EXOC6B: variants seen among roughly 807,000 people sequenced by gnomAD.
EXOC6B encodes the protein SEC15 homolog B.
Under a neutral mutation model 113.5 loss-of-function variants are expected in EXOC6B, and 54 were observed. That is an observed-to-expected ratio of 0.48 (90% CI 0.38 to 0.60). EXOC6B has a LOEUF of 0.60. Among genes scored for constraint, EXOC6B ranks in the 20% least tolerant of loss-of-function variants. EXOC6B has a pLI of 0.00. For synonymous variants in EXOC6B, 357 were observed against 339.0 expected, an observed-to-expected ratio of 1.05 and a Z score of -0.58; for missense variants, 797 against 977.5, an observed-to-expected ratio of 0.82 and a Z score of 2.46.
In EXOC6B at chr2:72,825,776, G is replaced by C; in HGVS notation, c.113+22C>G. 6.2e-7 allele frequency: 1 copy of C among 1,609,124 alleles called. No individual in the cohort carries two copies. Among genetic ancestry groups the C allele is most frequent in the South Asian group, 1.1e-5 (1 of 90,864 alleles). Reference sequence around the variant, plus strand: ...CCGTCCCGCCCGTTCCCGCCCCTCTGTGGTCCCGGCACCCGGGGTACCTGA... The same window carrying C: ...CCGTCCCGCCCGTTCCCGCCCCTCTCTGGTCCCGGCACCCGGGGTACCTGA... On this transcript the variant is annotated intron_variant, in intron 1 of 21. Coordinates refer to ENST00000272427, the MANE Select transcript of EXOC6B (RefSeq NM_015189.3). This position sits in a 1 kb window ranked among gnomAD's most constrained non-coding sequence, Gnocchi z 4.4.
intron 21 of EXOC6B, 96 bp from the exon 22 acceptor site, chr2:72,179,557 C>T (rs758747445): frequency 6.5e-6 from 9 of 1,391,558 alleles, no homozygotes; most frequent in Non-Finnish European, 9.1e-6. Context: ...ATCTTAACCA[C>T]TACCCAGAGT....
At chr2:72,238,414 T>G (rs1173652072) in intron 20 of EXOC6B, among the ~76,000 whole-genome samples, 1 of 152,222 alleles carries the variant, frequency 6.6e-6, no homozygotes, top group Non-Finnish European at 1.5e-5. Context: ...CTTGAGTATA[T>G]ACATAGGAAT....
intron 1 of EXOC6B, among the ~76,000 whole-genome samples, chr2:72,771,206 T>C (rs950483459): frequency 2.0e-5 from 3 of 152,202 alleles, no homozygotes; most frequent in Non-Finnish European, 2.9e-5. Flanking sequence ...TTTGTAAAAA[T>C]TGCTTCTAAG....
chr2:72,484,680 T>C (rs1018013696), intron 16 of EXOC6B, among the ~76,000 whole-genome samples: 1 of 152,126 alleles, frequency 6.6e-6, no homozygotes, highest in Non-Finnish European at 1.5e-5. Flanking sequence ...AACTCCCACT[T>C]ATGAGTGAGA....
At chr2:72,567,386 CA>C (rs1704245061) in intron 7 of EXOC6B, among the ~76,000 whole-genome samples, 1 of 151,794 alleles carries the variant, frequency 6.6e-6, no homozygotes, top group Non-Finnish European at 1.5e-5. Context: ...TATAATTATC[CA>C]AAAGATTAAA....
intron 1 of EXOC6B, among the ~76,000 whole-genome samples, chr2:72,753,780 T>C (rs571476089): frequency 2.2e-4 from 33 of 152,302 alleles, no homozygotes; most frequent in African/African-American, 7.7e-4. Context: ...GAGTGTAGCA[T>C]GTATTCCCTC....
chr2:72,616,194 G>A (rs762498795), intron 6 of EXOC6B, among the ~76,000 whole-genome samples: 5 of 151,890 alleles, frequency 3.3e-5, no homozygotes, highest in African/African-American at 7.3e-5. Flanking sequence ...TAAAATGGAC[G>A]TACTACCCAA....
intron 18 of EXOC6B, chr2:72,462,479 A>G (rs1346290085): frequency 2.0e-5 from 3 of 151,940 alleles, no homozygotes; most frequent in Non-Finnish European, 4.4e-5. Context: ...TTAATTTTTA[A>G]TTTTTGTGGG....
At chr2:72,346,732 T>C (rs890658106) in intron 19 of EXOC6B, among the ~76,000 whole-genome samples, 5 of 152,164 alleles carry the variant, frequency 3.3e-5, no homozygotes, top group Non-Finnish European at 5.9e-5. Context: ...TTTTGCAATA[T>C]GTGGTTCCTT....
At chr2:72,501,238 T>C (rs1700305587) in intron 11 of EXOC6B, among the ~76,000 whole-genome samples, 1 of 152,194 alleles carries the variant, frequency 6.6e-6, no homozygotes, top group African/African-American at 2.4e-5. Context: ...GGGAGGTGTT[T>C]GGATCTCTCA....
intron 8 of EXOC6B, among the ~76,000 whole-genome samples, chr2:72,521,237 T>C (rs182709106): frequency 6.6e-6 from 1 of 152,226 alleles, no homozygotes; most frequent in Non-Finnish European, 1.5e-5. Flanking sequence ...AGGCAATAAG[T>C]TGTCATCTAG....
intron 20 of EXOC6B, among the ~76,000 whole-genome samples, chr2:72,201,349 T>G (rs956373427): frequency 2.0e-5 from 3 of 152,144 alleles, no homozygotes; most frequent in Non-Finnish European, 4.4e-5. Context: ...GGGGTGTTGC[T>G]TGTGCCCAGA....
intron 6 of EXOC6B, among the ~76,000 whole-genome samples, chr2:72,682,115 C>T (rs1460459516): frequency 6.6e-6 from 1 of 152,026 alleles, no homozygotes; most frequent in Admixed American, 6.6e-5. Flanking sequence ...ACCAGAGTTC[C>T]CCTCCCCACC....
intron 20 of EXOC6B, among the ~76,000 whole-genome samples, chr2:72,267,550 G>T (rs1684208708): frequency 6.6e-6 from 1 of 152,064 alleles, no homozygotes; most frequent in Non-Finnish European, 1.5e-5. Flanking sequence ...TTATATGCTG[G>T]ATTACATTTA....
At chr2:72,690,920 A>C (rs1677440087) in intron 6 of EXOC6B, among the ~76,000 whole-genome samples, 4 of 152,196 alleles carry the variant, frequency 2.6e-5, no homozygotes. Context: ...TAATAAAGTT[A>C]AATGAGGTCT....
At chr2:72,654,784 A>G (rs954995015) in intron 6 of EXOC6B, among the ~76,000 whole-genome samples, 1 of 152,198 alleles carries the variant, frequency 6.6e-6, no homozygotes, top group Admixed American at 6.5e-5. Context: ...AAAATCTCTC[A>G]GGAAGTTAGT....
At chr2:72,459,491 A>G (rs1339764288) in intron 18 of EXOC6B, among the ~76,000 whole-genome samples, 2 of 152,322 alleles carry the variant, frequency 1.3e-5, no homozygotes, top group Non-Finnish European at 2.9e-5. Context: ...TAAGCTGATA[A>G]GCAACTTCAG....
intron 6 of EXOC6B, among the ~76,000 whole-genome samples, chr2:72,649,618 T>C (rs1674014685): frequency 6.6e-6 from 1 of 151,504 alleles, no homozygotes; most frequent in Non-Finnish European, 1.5e-5. Context: ...GAAACTAAAG[T>C]AGCTAAAAAC....
chr2:72,366,503 A>G (rs771241921), intron 19 of EXOC6B, among the ~76,000 whole-genome samples: 173 of 152,216 alleles, frequency 1.1e-3, no homozygotes, highest in Non-Finnish European at 2.0e-3. Context: ...TTCAGACACA[A>G]AGGAGAGATA....
Sources: allele counts gnomAD v4.1 joint callset (sites outside exome capture counted in the v4.1 genomes callset), GRCh38; gene constraint gnomAD v4.1.1; non-coding constraint Gnocchi (gnomAD v3.1); transcripts MANE v1.5; gene names NCBI Gene and HGNC (gene_info 2026-07-23, HGNC 2026-07-21).